Variants in TMX3 observed in about 807,000 individuals in gnomAD.
TMX3 encodes protein disulfide-isomerase TMX3.
A neutral mutation model predicts 64.4 loss-of-function variants in TMX3; 40 were observed. The observed-to-expected ratio is 0.62, with a 90% CI of 0.48 to 0.81. The LOEUF is 0.81. Among genes scored for constraint, TMX3 ranks in the 30% least tolerant of loss-of-function variants. The pLI, the probability that TMX3 is intolerant of heterozygous loss-of-function variation, is 0.00. For missense variants in TMX3, 497 were observed against 534.5 expected (o/e 0.93, Z 0.69); for synonymous variants, 189 against 175.7 (o/e 1.08, Z -0.60).
chr18:68,694,718 C>T (rs548867943), intron 8 of TMX3, among the ~76,000 whole-genome samples: 8 of 152,254 alleles, frequency 5.3e-5, no homozygotes, highest in Admixed American at 2.0e-4. Context: ...TAAATACATA[C>T]GCATAAAATA....
intron 4 of TMX3, among the ~76,000 whole-genome samples, chr18:68,706,724 G>A (rs2030712016): frequency 6.6e-6 from 1 of 152,194 alleles, no homozygotes; most frequent in African/African-American, 2.4e-5. Context: ...TGACTTGAAA[G>A]TAATTCCATT....
chr18:68,688,299 GAT>G (rs1914163944), intron 9 of TMX3: 1 of 152,110 alleles, frequency 6.6e-6, no homozygotes, highest in Non-Finnish European at 1.5e-5. Context: ...CTCTCTTTAT[GAT>G]AGTCTTCCTA....
At chr18:68,681,499 T>C in intron 13 of TMX3, 1 of 984,146 alleles carries the variant, frequency 1.0e-6, no homozygotes, top group Non-Finnish European at 1.2e-6. Context: ...CTTCATTATA[T>C]CCTACATCTG....
intron 2 of TMX3, among the ~76,000 whole-genome samples, chr18:68,711,818 T>G (rs2031306360): frequency 6.6e-6 from 1 of 152,146 alleles, no homozygotes; most frequent in African/African-American, 2.4e-5. Flanking sequence ...TTCTCACCAT[T>G]TCCTGGTAAT....
intron 9 of TMX3, chr18:68,689,943 A>G (rs1914349476): frequency 2.0e-5 from 3 of 152,230 alleles, no homozygotes. Flanking sequence ...GTATGTAGAT[A>G]GTACCTTTTA....
At chr18:68,709,119 C>T (rs1435912345) in intron 4 of TMX3, among the ~76,000 whole-genome samples, 1 of 151,984 alleles carries the variant, frequency 6.6e-6, no homozygotes, top group Non-Finnish European at 1.5e-5. Context: ...TCAAAACCAC[C>T]AATAAAAGAA....
At chr18:68,691,992 A>C (rs1010025232) in intron 8 of TMX3, among the ~76,000 whole-genome samples, 10 of 152,228 alleles carry the variant, frequency 6.6e-5, no homozygotes, top group Admixed American at 5.2e-4. Flanking sequence ...AATAATGACA[A>C]ATAAGTAAAT....
intron 2 of TMX3, 69 bp from the exon 3 acceptor site, chr18:68,711,472 G>A: frequency 1.9e-6 from 2 of 1,075,642 alleles, no homozygotes; most frequent in Non-Finnish European, 2.7e-6. Flanking sequence ...AGTATAGGCA[G>A]AGATAATACA....
At chr18:68,696,457 C>A (rs1219363795) in intron 8 of TMX3, among the ~76,000 whole-genome samples, 1 of 147,218 alleles carries the variant, frequency 6.8e-6, no homozygotes, top group African/African-American at 2.5e-5. Context: ...CAAGCGTAAG[C>A]CACTGGGCCC....
intron 6 of TMX3, among the ~76,000 whole-genome samples, chr18:68,698,744 C>T (rs1490411634): frequency 1.3e-5 from 2 of 151,690 alleles, no homozygotes; most frequent in Non-Finnish European, 2.9e-5. Context: ...GGGCCGGGGG[C>T]GGTGGCTCAT....
In TMX3 at chr18:68,713,836, G is replaced by A. The variant is rs1465977207; in HGVS notation, c.101+10C>T. On this transcript the variant is annotated intron_variant, in intron 2 of 15. Coordinates refer to ENST00000299608, the MANE Select transcript of TMX3 (RefSeq NM_019022.5). ...AAAATAATATTTTAAATATATATAT[G>A]TATACTCACGATTCATCTAAATCTT... 4.4e-6 allele frequency: 6 copies of A among 1,378,830 alleles called. No individual in the cohort carries two copies. The East Asian group carries it at 1.4e-4, about 33-fold the overall frequency. The allele number at this position is 1,378,830 out of a possible 1,614,324, so 85.4% of individuals were successfully genotyped here.
At chr18:68,711,326 A>G in intron 3 of TMX3, 38 bp downstream of exon 3, 2 of 1,505,594 alleles carry the variant, frequency 1.3e-6, no homozygotes, top group Non-Finnish European at 9.1e-7. Flanking sequence ...TTAAAATGGT[A>G]GGGGTGGGTA....
chr18:68,700,180 A>T (rs1393404001), intron 6 of TMX3, among the ~76,000 whole-genome samples: 1 of 152,138 alleles, frequency 6.6e-6, no homozygotes, highest in Non-Finnish European at 1.5e-5. Flanking sequence ...AGACAAAATG[A>T]ATTTAAATGT....
Position 68,707,999 on chromosome 18 carries a change from ATATATATGTGTATATGTG to A in TMX3, c.265+2004_265+2021del, listed in dbSNP as rs1295086176. Among the ~76,000 whole-genome samples the A allele has an allele frequency of 3.1e-4, 45 of 146,032 alleles. 1 individual carries two copies. Among genetic ancestry groups the A allele is most frequent in the South Asian group, 1.0e-3 (5 of 4,798 alleles). On this transcript the variant is annotated intron_variant, in intron 4 of 15. Coordinates refer to ENST00000299608, the MANE Select transcript of TMX3 (RefSeq NM_019022.5). ...TATATGTGTATGTGTATATATGTGT[ATATATATGTGTATATGTG>A]TATATATGTGTATATGTGTATATAT... is the stretch of plus-strand genomic sequence containing the variant.
At position 68,679,455 on chromosome 18, in the gene TMX3, C is replaced by A. The variant is rs749904681; in HGVS notation, c.1104+8G>T. ...TCATTATCAATGACATAAACTGTCA[C>A]AACTTACCACAATAGTAGATTTGGC... On this transcript the variant is annotated splice_region_variant and intron_variant, in intron 15 of 15. Coordinates refer to ENST00000299608, the MANE Select transcript of TMX3 (RefSeq NM_019022.5). 1.1e-5 allele frequency: 17 copies of A among 1,607,990 alleles called. No homozygotes were observed. The Admixed American group carries it at 2.2e-4, about 21-fold the overall frequency.
Position 68,676,915 on chromosome 18 carries a change from T to C in TMX3, c.*18A>G. 1 of 1,602,486 alleles carries C rather than the reference T, an allele frequency of 6.2e-7. No homozygotes were observed. Among genetic ancestry groups the C allele is most frequent in the Non-Finnish European group, 8.5e-7 (1 of 1,176,186 alleles). ...TAATAATTTGAAGTCCTAACAAATATTTTATAGTCATCAAGTCTCAATCTT... is the reference window on the plus strand; with the variant it reads ...TAATAATTTGAAGTCCTAACAAATACTTTATAGTCATCAAGTCTCAATCTT... On this transcript the variant is annotated 3_prime_UTR_variant, in exon 16 of 16. Transcript: ENST00000299608.
At chr18:68,698,860 C>T (rs1429991051) in intron 6 of TMX3, among the ~76,000 whole-genome samples, 1 of 122,870 alleles carries the variant, frequency 8.1e-6, no homozygotes, top group Non-Finnish European at 1.8e-5. Context: ...ACTAAAAATA[C>T]AAAAAAAAAA....
chr18:68,699,067 A>T (rs1400932948), intron 6 of TMX3, among the ~76,000 whole-genome samples: 1 of 152,114 alleles, frequency 6.6e-6, no homozygotes, highest in Non-Finnish European at 1.5e-5. Context: ...CATCTTTTAC[A>T]TATGGTGTGT....
intron 8 of TMX3, among the ~76,000 whole-genome samples, chr18:68,694,586 T>A (rs1316865089): frequency 5.3e-5 from 8 of 151,992 alleles, no homozygotes. Flanking sequence ...CCAGGCTGAG[T>A]GGGTAGAATA....
Sources: allele counts gnomAD v4.1 joint callset (sites outside exome capture counted in the v4.1 genomes callset), GRCh38; gene constraint gnomAD v4.1.1; transcripts MANE v1.5; gene names NCBI Gene and HGNC (gene_info 2026-07-23, HGNC 2026-07-21).